The following VWA8 variants were observed in gnomAD, a reference collection of about 807,000 sequenced individuals.
VWA8 encodes von Willebrand factor A domain-containing protein 8.
VWA8 carries 221 observed loss-of-function variants against 241.5 expected under a neutral mutation model. The observed-to-expected ratio is 0.91, with a 90% CI of 0.82 to 1.02. The LOEUF (loss-of-function observed/expected upper bound fraction) is 1.02. Ranked by LOEUF, VWA8 falls within the 50% of genes least tolerant of loss-of-function variation. The pLI is 0.00. For missense variants in VWA8, 2,322 were observed against 2,328.7 expected, an observed-to-expected ratio of 1.00 and a Z score of 0.06; for synonymous variants, 852 against 827.1, an observed-to-expected ratio of 1.03 and a Z score of -0.52.
intron 37 of VWA8, among the ~76,000 whole-genome samples, chr13:41,655,491 G>C (rs910934853): frequency 5.1e-5 from 1 of 19,558 alleles, no homozygotes; most frequent in African/African-American, 9.9e-5. Context: ...CAGAGAGACA[G>C]AGAGAGAGAG....
intron 17 of VWA8, among the ~76,000 whole-genome samples, chr13:41,798,180 C>T (rs970278633): frequency 2.0e-5 from 3 of 152,126 alleles, no homozygotes; most frequent in Admixed American, 6.5e-5. Context: ...TTTAGCTTCA[C>T]CCTGTTGTTA....
chr13:41,712,185 A>T (rs9594616), intron 26 of VWA8, among the ~76,000 whole-genome samples: 25,840 of 152,084 alleles, frequency 0.17, 2,254 homozygotes, highest in African/African-American at 0.23. Flanking sequence ...GATTGATAGC[A>T]GACTAGAGTG....
chr13:41,586,016 G>A (rs1437158274), intron 42 of VWA8, among the ~76,000 whole-genome samples: 1 of 152,032 alleles, frequency 6.6e-6, no homozygotes, highest in Non-Finnish European at 1.5e-5. Flanking sequence ...CATTAGGTAG[G>A]ATATGGGTAT....
intron 35 of VWA8, among the ~76,000 whole-genome samples, chr13:41,676,087 A>G (rs955647035): frequency 1.3e-5 from 2 of 152,108 alleles, no homozygotes; most frequent in African/African-American, 2.4e-5. Context: ...CAATCACAGT[A>G]TAATTGCATC....
chr13:41,840,742 A>C (rs1302535317), intron 12 of VWA8, among the ~76,000 whole-genome samples: 1 of 151,664 alleles, frequency 6.6e-6, no homozygotes, highest in African/African-American at 2.4e-5. Flanking sequence ...CTGGGTGACA[A>C]AGTGAGACCG....
intron 1 of VWA8, among the ~76,000 whole-genome samples, chr13:41,950,462 G>A (rs1223766153): frequency 1.3e-5 from 2 of 151,928 alleles, no homozygotes; most frequent in Admixed American, 6.6e-5. Context: ...TCCGCCTCCC[G>A]GGTTCACACC....
chr13:41,864,254 A>C (rs534379117), intron 12 of VWA8, among the ~76,000 whole-genome samples: 1 of 152,292 alleles, frequency 6.6e-6, no homozygotes, highest in Non-Finnish European at 1.5e-5. Flanking sequence ...AAAACAGTTT[A>C]TTGGCTCCTT....
In VWA8 at chr13:41,732,138, G is replaced by A. The variant is rs1174640135; in HGVS notation, c.2444C>T (p.Thr815Ile). ...TTTAACCGAAGGCTGAAGCGTAAGA[G>A]TTTGTACTGTGGTATCCCTAAAGTA... is the stretch of plus-strand genomic sequence containing the variant. ...IQLHRDTTVQ[T>I]LTLQPSVKDG... Residue 815 changes from threonine to isoleucine, a missense_variant, in exon 22 of 45, where the codon ACT becomes ATT. Thr to Ile is a moderately conservative substitution (Grantham distance 89). Transcript: ENST00000379310. 3.1e-6 allele frequency: 5 copies of A among 1,613,000 alleles called. No homozygotes were observed. The highest frequency in any genetic ancestry group is 4.2e-6 in the Non-Finnish European group (5 of 1,179,444).
intron 15 of VWA8, among the ~76,000 whole-genome samples, chr13:41,818,129 G>A (rs1411344264): frequency 6.6e-6 from 1 of 151,756 alleles, no homozygotes; most frequent in Non-Finnish European, 1.5e-5. Context: ...AGCCCAGCTA[G>A]TTTTTTGTAT....
chr13:41,822,975 G>T (rs530164962), intron 14 of VWA8, among the ~76,000 whole-genome samples: 1 of 152,272 alleles, frequency 6.6e-6, no homozygotes, highest in South Asian at 2.1e-4. Context: ...AGTCGGGGAT[G>T]ACAAGGCAAA....
intron 1 of VWA8, among the ~76,000 whole-genome samples, chr13:41,951,576 T>C (rs1024666028): frequency 1.3e-5 from 2 of 152,214 alleles, no homozygotes; most frequent in Admixed American, 6.5e-5. Flanking sequence ...CTCCCCGCTG[T>C]GCTCTCTCTA....
In VWA8 at chr13:41,819,091, G is replaced by A. The variant is rs949987091; in HGVS notation, c.1869+127C>T. 8.6e-6 allele frequency: 8 copies of A among 934,082 alleles called. No individual in the cohort carries two copies. The South Asian group carries it at 1.5e-4, about 18-fold the overall frequency. 57.9% of individuals were successfully genotyped at this position (934,082 alleles called of 1,614,324 possible). On this transcript the variant is annotated intron_variant, in intron 15 of 44. Coordinates refer to ENST00000379310, the MANE Select transcript of VWA8 (RefSeq NM_015058.2). ...GATCCACTGACCTTCACCACTGTATGAAGAAATTTGGGAGTAAATGGGAAG... is the reference window on the plus strand; with the variant it reads ...GATCCACTGACCTTCACCACTGTATAAAGAAATTTGGGAGTAAATGGGAAG...
At chr13:41,572,240 G>A (rs1164975309) in intron 43 of VWA8, among the ~76,000 whole-genome samples, 3 of 151,622 alleles carry the variant, frequency 2.0e-5, no homozygotes, top group Non-Finnish European at 4.4e-5. Context: ...GCCTCTGCCC[G>A]GCTGCCCCGT....
chr13:41,673,274 G>A (rs572293744), intron 36 of VWA8, among the ~76,000 whole-genome samples: 7 of 152,318 alleles, frequency 4.6e-5, no homozygotes, highest in African/African-American at 1.7e-4. Flanking sequence ...TTTTGGCCCT[G>A]AAGCTACATA....
In VWA8 at chr13:41,911,062, C is replaced by CT. The variant is rs5803108; in HGVS notation, c.372+975dup. Reference sequence around the variant, plus strand: ...CGGAAAACATTTGTACATTTTCTTTCTTTTTTTTTTTTTTTTTTTGAGACG... The same window carrying CT: ...CGGAAAACATTTGTACATTTTCTTTCTTTTTTTTTTTTTTTTTTTTGAGACG... On this transcript the variant is annotated intron_variant, in intron 3 of 44. Transcript: ENST00000379310. Among the ~76,000 whole-genome samples the CT allele has an allele frequency of 3.7e-3, 363 of 97,914 alleles. 1 individual carries two copies. Among genetic ancestry groups the CT allele is most frequent in the African/African-American group, 9.9e-3 (290 of 29,204 alleles). 64.2% of individuals were successfully genotyped at this position (97,914 alleles called of 152,430 possible).
chr13:41,768,998 G>A (rs186126992), intron 20 of VWA8, among the ~76,000 whole-genome samples: 7 of 151,462 alleles, frequency 4.6e-5, no homozygotes, highest in East Asian at 3.9e-4. Context: ...CACCTCCTGC[G>A]GTCAGGTGAT....
intron 37 of VWA8, among the ~76,000 whole-genome samples, chr13:41,649,952 C>T (rs2044858744): frequency 6.6e-6 from 1 of 152,170 alleles, no homozygotes. Flanking sequence ...AATCTAATTC[C>T]TTGGATTGTT....
At position 41,671,246 on chromosome 13, in the gene VWA8, C is replaced by T. The variant is rs2045021344; in HGVS notation, c.4410-99G>A. On this transcript the variant is annotated intron_variant, in intron 36 of 44. Coordinates refer to ENST00000379310, the MANE Select transcript of VWA8 (RefSeq NM_015058.2). Reference sequence around the variant, plus strand: ...TGTTCTTTACTGTTGAAAAAGTATGCTCACACTACTCATTATTTTATACCT... The same window carrying T: ...TGTTCTTTACTGTTGAAAAAGTATGTTCACACTACTCATTATTTTATACCT... 4.8e-6 allele frequency: 6 copies of T among 1,256,676 alleles called. 1 individual carries two copies. The highest frequency in any genetic ancestry group is 6.8e-6 in the Non-Finnish European group (6 of 880,252). The allele number at this position is 1,256,676 out of a possible 1,614,324, so 77.8% of individuals were successfully genotyped here. A position where few individuals can be genotyped will look rare whatever the true frequency, so the allele number is the denominator to read the frequency against.
At chr13:41,598,538 C>T (rs1265869410) in intron 40 of VWA8, among the ~76,000 whole-genome samples, 2 of 151,966 alleles carry the variant, frequency 1.3e-5, no homozygotes, top group African/African-American at 4.8e-5. Context: ...ATTTTGATTC[C>T]TCTCTTAATT....
Sources: gnomAD v4.1 joint callset for allele counts (sites outside exome capture counted in the v4.1 genomes callset) on GRCh38, gnomAD v4.1.1 for gene constraint, MANE v1.5 for transcripts, NCBI Gene and HGNC (gene_info 2026-07-23, HGNC 2026-07-21) for gene names.